Variants in RPRD1A observed in about 807,000 individuals in gnomAD.
RPRD1A encodes regulation of nuclear pre-mRNA domain containing 1A.
Under a neutral mutation model 37.8 loss-of-function variants are expected in RPRD1A, and 9 were observed. The ratio of observed to expected loss-of-function variants is 0.24; its 90% CI spans 0.14 to 0.42. The LOEUF (loss-of-function observed/expected upper bound fraction) is 0.42, where lower values mean the gene tolerates loss of function less well. Among genes scored for constraint, RPRD1A ranks in the 10% least tolerant of loss-of-function variants. The pLI, the probability that RPRD1A is intolerant of heterozygous loss-of-function variation, is 1.00. For synonymous variants in RPRD1A, 138 were observed against 139.7 expected, an observed-to-expected ratio of 0.99 and a Z score of 0.08; for missense variants, 255 against 371.0, an observed-to-expected ratio of 0.69 and a Z score of 2.57.
chr18:36,042,816 A>G (rs1367875048), intron 1 of RPRD1A, among the ~76,000 whole-genome samples: 1 of 152,230 alleles, frequency 6.6e-6, no homozygotes, highest in Non-Finnish European at 1.5e-5. Flanking sequence ...GACCAAATTT[A>G]GATACCTTCA....
In RPRD1A at chr18:36,033,821, C is replaced by A; in HGVS notation, c.168G>T (p.Lys56Asn). The A allele has an allele frequency of 6.2e-7, 1 of 1,609,010 alleles. No individual in the cohort carries two copies. Among genetic ancestry groups the A allele is most frequent in the South Asian group, 1.1e-5 (1 of 90,246 alleles). ...CATTGGCTAGGTAGAGAAAAGTAAG[C>A]TTCCTGTTTGGTTTGGCTGAAAAAT... ...RELRKAKPNR[K>N]LTFLYLANDV... is the part of the protein sequence containing the mutation. The change falls in exon 2 of 7, where the codon AAG (lysine) becomes AAT (asparagine). Residue 56 changes from lysine (K) to asparagine (N), a missense_variant. By Grantham distance (94) the Lys-to-Asn change is moderately conservative. Coordinates refer to ENST00000399022, the MANE Select transcript of RPRD1A (RefSeq NM_018170.5).
At chr18:36,001,183 A>C (rs1909393711) in intron 6 of RPRD1A, among the ~76,000 whole-genome samples, 2 of 152,314 alleles carry the variant, frequency 1.3e-5, no homozygotes, top group African/African-American at 4.8e-5. Flanking sequence ...AGGCTAGTTC[A>C]ACCAGAAAAG....
intron 1 of RPRD1A, among the ~76,000 whole-genome samples, chr18:36,057,138 G>C (rs1303641743): frequency 6.6e-6 from 1 of 150,532 alleles, no homozygotes; most frequent in Non-Finnish European, 1.5e-5. Context: ...GATTGATTGA[G>C]CCTGGGAGGT....
intron 1 of RPRD1A, among the ~76,000 whole-genome samples, chr18:36,037,971 T>C (rs1023591884): frequency 3.3e-5 from 5 of 152,186 alleles, no homozygotes; most frequent in African/African-American, 1.2e-4. Flanking sequence ...CTTAAAAGCA[T>C]TCAGTTCCAG....
chr18:36,006,681 C>T (rs905530391), intron 6 of RPRD1A, among the ~76,000 whole-genome samples: 1 of 152,196 alleles, frequency 6.6e-6, no homozygotes, highest in Admixed American at 6.5e-5. Flanking sequence ...CCCCATCCCC[C>T]AGCCCAATTA....
At chr18:36,017,382 T>C (rs1413682415) in intron 6 of RPRD1A, among the ~76,000 whole-genome samples, 1 of 152,144 alleles carries the variant, frequency 6.6e-6, no homozygotes, top group East Asian at 1.9e-4. Flanking sequence ...CTAATTAAGT[T>C]GCATCTGGTC....
chr18:36,018,012 C>T (rs1910712542), intron 6 of RPRD1A, among the ~76,000 whole-genome samples: 1 of 152,200 alleles, frequency 6.6e-6, no homozygotes, highest in South Asian at 2.1e-4. Flanking sequence ...AATAATTTTA[C>T]AATTTCAAGA....
rs1015791411 is a variant in RPRD1A at position 35,991,415 on chromosome 18, G to A, written c.*1736C>T. ...GGTACACAGACATCCCAGGGTGTGAGTGTGGCTGCTGCATGCTGTGTCCTA... is the reference window on the plus strand; with the variant it reads ...GGTACACAGACATCCCAGGGTGTGAATGTGGCTGCTGCATGCTGTGTCCTA... On this transcript the variant is annotated 3_prime_UTR_variant, in exon 7 of 7. Transcript: ENST00000399022. 10 of 152,300 alleles carry A rather than the reference G, an allele frequency of 6.6e-5. No homozygotes were observed. Among genetic ancestry groups the A allele is most frequent in the African/African-American group, 2.4e-4 (10 of 41,566 alleles). 9.4% of individuals were successfully genotyped at this position (152,300 alleles called of 1,614,324 possible). A position where few individuals can be genotyped will look rare whatever the true frequency, so the allele number is the denominator to read the frequency against.
chr18:36,044,783 T>C (rs1912836531), intron 1 of RPRD1A, among the ~76,000 whole-genome samples: 1 of 151,976 alleles, frequency 6.6e-6, no homozygotes, highest in South Asian at 2.1e-4. Flanking sequence ...CAAGGACATC[T>C]TGGCACGCTA....
chr18:36,020,377 T>C (rs1022765098), intron 6 of RPRD1A, among the ~76,000 whole-genome samples: 1 of 152,150 alleles, frequency 6.6e-6, no homozygotes, highest in Non-Finnish European at 1.5e-5. Context: ...ATGTCCTATG[T>C]TATCTAACCA....
intron 1 of RPRD1A, 42 bp downstream of exon 1, chr18:36,067,212 G>C (rs1313148974): frequency 5.3e-6 from 8 of 1,522,520 alleles, no homozygotes; most frequent in Non-Finnish European, 7.1e-6. Flanking sequence ...CCTGGAGGCC[G>C]GCCGGGTGGT....
chr18:36,019,713 G>A (rs1408514018), intron 6 of RPRD1A, among the ~76,000 whole-genome samples: 1 of 152,210 alleles, frequency 6.6e-6, no homozygotes, highest in East Asian at 1.9e-4. Context: ...CACAAGCACA[G>A]AGGAAAGTGG....
At chr18:36,017,884 T>C (rs377135648) in intron 6 of RPRD1A, among the ~76,000 whole-genome samples, 1 of 152,374 alleles carries the variant, frequency 6.6e-6, no homozygotes, top group South Asian at 2.1e-4. Context: ...TATTACTCTT[T>C]ACAAATTCAG....
chr18:36,028,554 T>C (rs1481529885), intron 4 of RPRD1A, among the ~76,000 whole-genome samples: 3 of 152,218 alleles, frequency 2.0e-5, no homozygotes, highest in Non-Finnish European at 2.9e-5. Flanking sequence ...AATGCATTGA[T>C]GCTTTAATTA....
intron 4 of RPRD1A, 109 bp downstream of exon 4, chr18:36,030,699 C>A: frequency 1.5e-6 from 1 of 654,542 alleles, no homozygotes. Flanking sequence ...CTTTCTTGTA[C>A]CTAAAAGTAT....
At chr18:35,997,356 GA>G (rs747626758) in intron 6 of RPRD1A, among the ~76,000 whole-genome samples, 5 of 151,846 alleles carry the variant, frequency 3.3e-5, no homozygotes, top group Non-Finnish European at 7.4e-5. Context: ...CACATATATA[GA>G]ATACACTTTT....
At chr18:36,028,229 T>C (rs1911516177) in intron 4 of RPRD1A, 1 of 152,054 alleles carries the variant, frequency 6.6e-6, no homozygotes, top group South Asian at 2.1e-4. Flanking sequence ...TATTAAGATT[T>C]TTAAACTATT....
chr18:36,016,793 G>A (rs1383001525), intron 6 of RPRD1A, among the ~76,000 whole-genome samples: 5 of 152,084 alleles, frequency 3.3e-5, no homozygotes, highest in Non-Finnish European at 7.4e-5. Context: ...TACTTCCATA[G>A]AACAATGTAA....
intron 6 of RPRD1A, among the ~76,000 whole-genome samples, chr18:36,015,163 T>TACACATATATACACACACACACAC (rs1910445695): frequency 1.0e-5 from 1 of 98,578 alleles, no homozygotes; most frequent in African/African-American, 4.0e-5. Context: ...CACACATATA[T>TACACATATATACACACACACACAC]ACACATATAT....
Sources: allele counts gnomAD v4.1 joint callset (sites outside exome capture counted in the v4.1 genomes callset), GRCh38; gene constraint gnomAD v4.1.1; transcripts MANE v1.5; gene names NCBI Gene and HGNC (gene_info 2026-07-23, HGNC 2026-07-21).